The following BTRC variants were observed in gnomAD, a reference collection of about 807,000 sequenced individuals.
BTRC encodes the protein beta-transducin repeat containing E3 ubiquitin protein ligase, also known as F-box/WD repeat-containing protein 1A.
Under a neutral mutation model 85.5 loss-of-function variants are expected in BTRC, and 42 were observed. That is an observed-to-expected ratio of 0.49 (90% CI 0.38 to 0.64). The LOEUF (loss-of-function observed/expected upper bound fraction) is 0.64. Ranked by LOEUF, BTRC falls within the 30% of genes least tolerant of loss-of-function variation. The pLI, the probability that BTRC is intolerant of heterozygous loss-of-function variation, is 0.00. For missense variants in BTRC, 594 were observed against 743.5 expected, an observed-to-expected ratio of 0.80 and a Z score of 2.34; for synonymous variants, 255 against 263.3, an observed-to-expected ratio of 0.97 and a Z score of 0.30.
chr10:101,356,934 T>C (rs1942051254), intron 1 of BTRC, among the ~76,000 whole-genome samples: 1 of 151,734 alleles, frequency 6.6e-6, no homozygotes, highest in African/African-American at 2.4e-5. Context: ...ATCGAGACCA[T>C]CCTGGCTAAC....
intron 4 of BTRC, among the ~76,000 whole-genome samples, chr10:101,509,030 A>G (rs1315126070): frequency 6.7e-6 from 1 of 149,818 alleles, no homozygotes; most frequent in African/African-American, 2.4e-5. Context: ...CTTTCAGTTT[A>G]TCTTGAAATC....
intron 1 of BTRC, among the ~76,000 whole-genome samples, chr10:101,409,840 C>A (rs1000817669): frequency 4.6e-5 from 7 of 152,124 alleles, no homozygotes; most frequent in African/African-American, 1.7e-4. Context: ...CTGTTTTCAA[C>A]CTTTTGCCAA....
At chr10:101,503,940 G>T (rs929928872) in intron 4 of BTRC, among the ~76,000 whole-genome samples, 1 of 152,092 alleles carries the variant, frequency 6.6e-6, no homozygotes, top group Non-Finnish European at 1.5e-5. Flanking sequence ...ATTTAAACCC[G>T]ACTGTATTTT....
chr10:101,434,028 A>C, intron 2 of BTRC, among the ~76,000 whole-genome samples: 1 of 152,196 alleles, frequency 6.6e-6, no homozygotes, highest in Admixed American at 6.5e-5. Context: ...TGCAAATAAC[A>C]TTTTTATGAA....
At chr10:101,472,750 G>A (rs1945567115) in intron 3 of BTRC, among the ~76,000 whole-genome samples, 1 of 152,142 alleles carries the variant, frequency 6.6e-6, no homozygotes, top group Non-Finnish European at 1.5e-5. Flanking sequence ...GGGAGACGGA[G>A]GTTGCGGTGA....
intron 4 of BTRC, among the ~76,000 whole-genome samples, chr10:101,487,738 A>C (rs1946027104): frequency 6.6e-6 from 1 of 152,184 alleles, no homozygotes; most frequent in Non-Finnish European, 1.5e-5. Context: ...GAAATTAATG[A>C]GAAGAACAGT....
Position 101,442,228 on chromosome 10 carries a change from T to C in BTRC, c.156+11776T>C, listed in dbSNP as rs1944700678. 2.0e-5 allele frequency among the ~76,000 whole-genome samples: 3 copies of C among 148,290 alleles called. No homozygotes were observed. In the South Asian group the frequency reaches 6.4e-4, roughly 32 times the overall value. The stretch of plus-strand genomic sequence containing the variant: ...CACAATGCACTAATTGAATTACTCT[T>C]TTCTGGAGTTGCGACTGCACTAATT... On this transcript the variant is annotated intron_variant, in intron 2 of 14. Coordinates refer to ENST00000370187, the MANE Select transcript of BTRC (RefSeq NM_033637.4).
chr10:101,414,646 G>A (rs1349233512), intron 1 of BTRC: 2 of 517,762 alleles, frequency 3.9e-6, no homozygotes, highest in Non-Finnish European at 7.7e-6. Flanking sequence ...GATGTTAATT[G>A]CTCCCAAAGA....
chr10:101,508,730 C>T (rs544978463), intron 4 of BTRC, among the ~76,000 whole-genome samples: 49 of 151,996 alleles, frequency 3.2e-4, no homozygotes, highest in African/African-American at 1.1e-3. Flanking sequence ...CTGGCTAACA[C>T]GGTGATACCC....
At chr10:101,495,079 T>G (rs1946226140) in intron 4 of BTRC, among the ~76,000 whole-genome samples, 1 of 152,190 alleles carries the variant, frequency 6.6e-6, no homozygotes, top group South Asian at 2.1e-4. Flanking sequence ...AGCCAAAACT[T>G]TCTATTTTCC....
intron 4 of BTRC, among the ~76,000 whole-genome samples, chr10:101,483,348 A>G (rs1176580169): frequency 6.6e-6 from 1 of 152,228 alleles, no homozygotes; most frequent in Non-Finnish European, 1.5e-5. Flanking sequence ...TAATCCCAGT[A>G]CTTTGGGAGG....
chr10:101,396,594 T>C (rs1265861909), intron 1 of BTRC, among the ~76,000 whole-genome samples: 2 of 152,066 alleles, frequency 1.3e-5, no homozygotes, highest in Non-Finnish European at 2.9e-5. Context: ...ATTTTCATTT[T>C]TGATCTACTT....
intron 1 of BTRC, among the ~76,000 whole-genome samples, chr10:101,424,745 A>T (rs1589450188): frequency 6.6e-6 from 1 of 152,272 alleles, no homozygotes; most frequent in East Asian, 1.9e-4. Context: ...ATTGAACCTG[A>T]TGGGCACTAG....
chr10:101,380,678 C>CT (rs1370799097), intron 1 of BTRC, among the ~76,000 whole-genome samples: 4 of 152,208 alleles, frequency 2.6e-5, no homozygotes, highest in South Asian at 2.1e-4. Flanking sequence ...ATTTCCTTGT[C>CT]TAAGTATAAG....
intron 4 of BTRC, among the ~76,000 whole-genome samples, chr10:101,518,636 C>G (rs1384793460): frequency 6.6e-6 from 1 of 152,132 alleles, no homozygotes; most frequent in Non-Finnish European, 1.5e-5. Context: ...TGATTTGACC[C>G]TGGCTACTTC....
intron 4 of BTRC, among the ~76,000 whole-genome samples, chr10:101,508,913 T>TAAAGAAAAAAAA (rs1946612569): frequency 9.8e-6 from 1 of 101,952 alleles, no homozygotes; most frequent in Non-Finnish European, 2.0e-5. Context: ...GACTCCATCT[T>TAAAGAAAAAAAA]AAAAAAAAAA....
intron 1 of BTRC, among the ~76,000 whole-genome samples, chr10:101,387,083 A>G (rs1943098291): frequency 6.6e-6 from 1 of 152,134 alleles, no homozygotes; most frequent in Admixed American, 6.5e-5. Context: ...TCATGTCATT[A>G]CATGCATTGA....
At chr10:101,547,376 T>G (rs557097384) in intron 13 of BTRC, among the ~76,000 whole-genome samples, 2 of 147,908 alleles carry the variant, frequency 1.4e-5, no homozygotes, top group Non-Finnish European at 3.0e-5. Context: ...TCACTCTTGT[T>G]ACCCAGGCTG....
At chr10:101,366,874 ATATTTATATATATTTATATATATT>A in intron 1 of BTRC, among the ~76,000 whole-genome samples, 1 of 14,970 alleles carries the variant, frequency 6.7e-5, no homozygotes, top group South Asian at 2.0e-3. Context: ...ATATTAATAT[ATATTTATATATATTTATATATATT>A]TATATATATT....
Sources: gnomAD v4.1 joint callset for allele counts (sites outside exome capture counted in the v4.1 genomes callset) on GRCh38, gnomAD v4.1.1 for gene constraint, MANE v1.5 for transcripts, NCBI Gene and HGNC (gene_info 2026-07-23, HGNC 2026-07-21) for gene names.